Variants in EYS observed in about 807,000 individuals in gnomAD.
EYS encodes protein eyes shut homolog.
Under a neutral mutation model 282.1 loss-of-function variants are expected in EYS, and 250 were observed. The ratio of observed to expected loss-of-function variants is 0.89; its 90% CI spans 0.80 to 0.98. EYS has a LOEUF of 0.98. Among genes scored for constraint, EYS ranks in the 50% least tolerant of loss-of-function variants. The pLI, the probability that EYS is intolerant of heterozygous loss-of-function variation, is 0.00. For synonymous variants in EYS, 1,355 were observed against 1,282.9 expected (o/e 1.06, Z -1.20); for missense variants, 4,016 against 3,709.0 (o/e 1.08, Z -2.15).
At chr6:64,693,696 T>C (rs1025621541) in intron 22 of EYS, among the ~76,000 whole-genome samples, 1 of 152,106 alleles carries the variant, frequency 6.6e-6, no homozygotes, top group Non-Finnish European at 1.5e-5. Context: ...AATGCCTTCA[T>C]GTCTTGAGGG....
intron 15 of EYS, among the ~76,000 whole-genome samples, chr6:64,915,895 C>T (rs1768145138): frequency 6.6e-6 from 1 of 152,044 alleles, no homozygotes; most frequent in Non-Finnish European, 1.5e-5. Context: ...TCCAGATCTC[C>T]TCCTCTCAAG....
At chr6:64,386,396 G>A (rs1348227373) in intron 29 of EYS, among the ~76,000 whole-genome samples, 1 of 152,120 alleles carries the variant, frequency 6.6e-6, no homozygotes, top group Non-Finnish European at 1.5e-5. Flanking sequence ...CGTCTTATAT[G>A]GCATCAGGCA....
chr6:64,877,538 G>A (rs541423208), intron 19 of EYS, among the ~76,000 whole-genome samples: 3 of 152,244 alleles, frequency 2.0e-5, no homozygotes, highest in Admixed American at 2.0e-4. Flanking sequence ...ATTGATAATT[G>A]CGGAAACATG....
At chr6:63,772,097 T>C (rs1769938886) in intron 40 of EYS, among the ~76,000 whole-genome samples, 1 of 151,228 alleles carries the variant, frequency 6.6e-6, no homozygotes, top group African/African-American at 2.5e-5. Flanking sequence ...AAGTGTTCAT[T>C]GATACTGAGT....
chr6:64,984,379 G>T (rs958053640), intron 14 of EYS, among the ~76,000 whole-genome samples: 1 of 151,336 alleles, frequency 6.6e-6, no homozygotes, highest in Non-Finnish European at 1.5e-5. Context: ...TGTGAAGAAG[G>T]ATATACTGAT....
chr6:64,511,982 G>A lies in EYS; in HGVS notation c.5645-72630C>T, dbSNP rs2479535. 2.4e-3 allele frequency among the ~76,000 whole-genome samples: 359 copies of A among 152,116 alleles called. 2 individuals carry two copies. The highest frequency in any genetic ancestry group is 8.2e-3 in the African/African-American group (339 of 41,528). Reference sequence around the variant, plus strand: ...TCTGAAGAGACCATCAATAGTTCCTGCTAATTGTTCTCAACTTTTCTATAC... The same window carrying A: ...TCTGAAGAGACCATCAATAGTTCCTACTAATTGTTCTCAACTTTTCTATAC... On this transcript the variant is annotated intron_variant, in intron 26 of 42. Transcript: ENST00000503581.
chr6:64,234,542 G>T (rs1202328209), intron 30 of EYS, among the ~76,000 whole-genome samples: 1 of 151,924 alleles, frequency 6.6e-6, no homozygotes, highest in East Asian at 1.9e-4. Context: ...ATTTTCAATA[G>T]TTACATTGAG....
chr6:64,093,280 A>T (rs933228647), intron 31 of EYS, among the ~76,000 whole-genome samples: 1 of 152,060 alleles, frequency 6.6e-6, no homozygotes, highest in African/African-American at 2.4e-5. Context: ...GTTTTTTCCA[A>T]TTCTGTGAAG....
intron 1 of EYS, among the ~76,000 whole-genome samples, chr6:65,669,878 T>C (rs1034704986): frequency 6.6e-6 from 1 of 152,008 alleles, no homozygotes; most frequent in Admixed American, 6.6e-5. Context: ...CATCTCTTAG[T>C]TTTTTCTCCT....
chr6:65,640,142 A>C (rs1233995778), intron 1 of EYS, among the ~76,000 whole-genome samples: 1 of 152,196 alleles, frequency 6.6e-6, no homozygotes, highest in African/African-American at 2.4e-5. Flanking sequence ...AAATTCTACA[A>C]ATAAAAGTAA....
At chr6:65,408,756 C>T (rs1486013545) in intron 5 of EYS, among the ~76,000 whole-genome samples, 1 of 152,038 alleles carries the variant, frequency 6.6e-6, no homozygotes, top group Non-Finnish European at 1.5e-5. Context: ...GTATGCTTTG[C>T]ATTTAATGTG....
At chr6:65,691,950 G>C (rs1342734769) in intron 1 of EYS, among the ~76,000 whole-genome samples, 1 of 150,032 alleles carries the variant, frequency 6.7e-6, no homozygotes, top group Admixed American at 6.7e-5. Flanking sequence ...ATCTGTTTTG[G>C]CACCAGTACA....
chr6:65,548,368 AATT>A (rs1419655857), intron 2 of EYS, among the ~76,000 whole-genome samples: 2 of 152,190 alleles, frequency 1.3e-5, no homozygotes, highest in Non-Finnish European at 2.9e-5. Context: ...TTCTTTTTCT[AATT>A]ATTATTTTTA....
chr6:64,289,016 C>A (rs1562288995), intron 30 of EYS, among the ~76,000 whole-genome samples: 1 of 152,096 alleles, frequency 6.6e-6, no homozygotes, highest in Non-Finnish European at 1.5e-5. Context: ...TCCACATCTA[C>A]AATAAAGTGA....
At chr6:65,292,290 G>T (rs149169456) in intron 12 of EYS, among the ~76,000 whole-genome samples, 97 of 151,746 alleles carry the variant, frequency 6.4e-4, no homozygotes, top group Middle Eastern at 3.4e-3. Flanking sequence ...CACAAAATAG[G>T]CTACACTATA....
chr6:65,301,309 C>G (rs1423885809), intron 11 of EYS, among the ~76,000 whole-genome samples: 1 of 152,196 alleles, frequency 6.6e-6, no homozygotes, highest in Non-Finnish European at 1.5e-5. Flanking sequence ...TCCTGGCTAA[C>G]ACGGTGAAAC....
chr6:65,663,932 C>T (rs1485545875), intron 1 of EYS, among the ~76,000 whole-genome samples: 3 of 133,588 alleles, frequency 2.2e-5, no homozygotes, highest in Admixed American at 1.7e-4. Context: ...AGTGTAGTGG[C>T]GCAATCTCGG....
rs138174810 is a variant in EYS at position 64,406,769 on chromosome 6, A to T, written c.5928-17929T>A. Among the ~76,000 whole-genome samples the T allele has an allele frequency of 1.6e-3, 246 of 152,372 alleles. 1 individual carries two copies. Among genetic ancestry groups the T allele is most frequent in the African/African-American group, 5.7e-3 (239 of 41,590 alleles). On this transcript the variant is annotated intron_variant, in intron 28 of 42. Transcript: ENST00000503581. ...CTGCAATGAGATACCATCTCATGCC[A>T]GTTAGAATGGCAATCATTAACAAGT... is the stretch of plus-strand genomic sequence containing the variant.
chr6:64,900,615 C>T (rs1767624466), intron 18 of EYS, among the ~76,000 whole-genome samples: 1 of 151,920 alleles, frequency 6.6e-6, no homozygotes, highest in Non-Finnish European at 1.5e-5. Context: ...ATGCAGGCAA[C>T]AAATATATGA....
Sources: gnomAD v4.1 joint callset for allele counts (sites outside exome capture counted in the v4.1 genomes callset) on GRCh38, gnomAD v4.1.1 for gene constraint, MANE v1.5 for transcripts, NCBI Gene and HGNC (gene_info 2026-07-23, HGNC 2026-07-21) for gene names.